The following PALLD variants were observed in gnomAD, a reference collection of about 807,000 sequenced individuals.
The protein encoded by PALLD is palladin.
A neutral mutation model predicts 123.5 loss-of-function variants in PALLD; 61 were observed. The observed-to-expected ratio is 0.49, with a 90% confidence interval of 0.40 to 0.61. The LOEUF (loss-of-function observed/expected upper bound fraction) is 0.61. Ranked by LOEUF, PALLD falls within the 20% of genes least tolerant of loss-of-function variation. PALLD has a pLI of 0.00. For missense variants in PALLD, 1,273 were observed against 1,377.0 expected (o/e 0.92, Z 1.20); for synonymous variants, 465 against 496.4 (o/e 0.94, Z 0.84).
At chr4:168,776,769 T>TTA (rs1244806640) in intron 10 of PALLD, among the ~76,000 whole-genome samples, 1 of 152,236 alleles carries the variant, frequency 6.6e-6, no homozygotes, top group Non-Finnish European at 1.5e-5. Flanking sequence ...TTTTCCAAAA[T>TTA]TATATCTGTT....
At chr4:168,789,830 C>T (rs985473798) in intron 10 of PALLD, among the ~76,000 whole-genome samples, 2 of 152,084 alleles carry the variant, frequency 1.3e-5, no homozygotes, top group Non-Finnish European at 2.9e-5. Flanking sequence ...ACTTACCCTG[C>T]AGTCAGACAA....
intron 10 of PALLD, among the ~76,000 whole-genome samples, chr4:168,796,193 G>A (rs1010031270): frequency 6.6e-6 from 1 of 151,866 alleles, no homozygotes; most frequent in Non-Finnish European, 1.5e-5. Flanking sequence ...CTCCCACCTT[G>A]CCCCCCACTG....
intron 10 of PALLD, among the ~76,000 whole-genome samples, chr4:168,854,583 C>T (rs1748302248): frequency 1.3e-5 from 2 of 152,144 alleles, no homozygotes; most frequent in South Asian, 4.1e-4. Flanking sequence ...AGCAAGGGTT[C>T]CAGGTGCCGC....
chr4:168,656,317 G>T (rs1778565812), intron 2 of PALLD, among the ~76,000 whole-genome samples: 1 of 142,656 alleles, frequency 7.0e-6, no homozygotes, highest in Non-Finnish European at 1.5e-5. Flanking sequence ...TAACTTTGAA[G>T]TGTGGCTTGT....
intron 2 of PALLD, among the ~76,000 whole-genome samples, chr4:168,661,177 G>A (rs1779102415): frequency 6.6e-6 from 1 of 152,160 alleles, no homozygotes; most frequent in South Asian, 2.1e-4. Context: ...AAAGTGCTGG[G>A]ATTACAGGCT....
intron 10 of PALLD, among the ~76,000 whole-genome samples, chr4:168,772,457 A>G (rs1734584516): frequency 1.3e-5 from 2 of 152,218 alleles, no homozygotes; most frequent in South Asian, 2.1e-4. Context: ...AAAAAGCACA[A>G]ACAGCCCCAG....
intron 2 of PALLD, among the ~76,000 whole-genome samples, chr4:168,521,780 T>TTCAAC (rs1763593029): frequency 6.6e-6 from 1 of 152,244 alleles, no homozygotes; most frequent in Non-Finnish European, 1.5e-5. Flanking sequence ...GACTATTTGT[T>TTCAAC]GAGTCCTAGA....
intron 19 of PALLD, 66 bp from the exon 20 acceptor site, chr4:168,924,879 G>C: frequency 6.6e-7 from 1 of 1,505,600 alleles, no homozygotes; most frequent in Non-Finnish European, 9.2e-7. Context: ...AATTAAAAAT[G>C]ATGCTTCATG....
chr4:168,561,465 G>A (rs931585902), intron 2 of PALLD, among the ~76,000 whole-genome samples: 13 of 151,928 alleles, frequency 8.6e-5, no homozygotes, highest in African/African-American at 3.1e-4. Flanking sequence ...TTGGAAATAG[G>A]GGTCTTGCTA....
intron 1 of PALLD, among the ~76,000 whole-genome samples, chr4:168,500,032 C>T (rs1333330809): frequency 6.6e-6 from 1 of 152,172 alleles, no homozygotes; most frequent in Non-Finnish European, 1.5e-5. Context: ...CTGAGTCTGC[C>T]ACTTTCTGAT....
chr4:168,809,488 A>T (rs879659349), intron 10 of PALLD, among the ~76,000 whole-genome samples: 10 of 152,198 alleles, frequency 6.6e-5, no homozygotes, highest in African/African-American at 1.9e-4. Flanking sequence ...GCCATAAGAA[A>T]GAAGAAATGC....
intron 2 of PALLD, among the ~76,000 whole-genome samples, chr4:168,636,630 G>A (rs937742790): frequency 6.6e-6 from 1 of 152,144 alleles, no homozygotes; most frequent in South Asian, 2.1e-4. Context: ...AAAATTACAG[G>A]CCATTCCAGC....
chr4:168,836,696 A>T (rs1288097772), intron 10 of PALLD, among the ~76,000 whole-genome samples: 1 of 152,224 alleles, frequency 6.6e-6, no homozygotes. Flanking sequence ...CGTCTATGAC[A>T]TTCGGATGCC....
At chr4:168,595,944 GGA>G (rs1771931614) in intron 2 of PALLD, among the ~76,000 whole-genome samples, 1 of 136,194 alleles carries the variant, frequency 7.3e-6, no homozygotes, top group Admixed American at 7.3e-5. Context: ...AAATTGAAAA[GGA>G]AAAAAAAAAA....
chr4:168,774,068 T>TC (rs1734816314), intron 10 of PALLD, among the ~76,000 whole-genome samples: 1 of 136,256 alleles, frequency 7.3e-6, no homozygotes, highest in Non-Finnish European at 1.6e-5. Flanking sequence ...GTTTTCTCTC[T>TC]CTTTTTTTTT....
At position 168,802,768 on chromosome 4, in the gene PALLD, G is replaced by T. The variant is rs150104326; in HGVS notation, c.1965-88154G>T. ...TGCAATGGCACCATGTCGGCTCACC[G>T]CAATCTCTGCCTCCTGGGTTCAAGC... On this transcript the variant is annotated intron_variant, in intron 10 of 21. Transcript: ENST00000505667. Among the ~76,000 whole-genome samples, 409 of 151,866 alleles carry T rather than the reference G, an allele frequency of 2.7e-3. 4 individuals are homozygous for T. The highest frequency in any genetic ancestry group is 9.6e-3 in the African/African-American group (396 of 41,358).
chr4:168,875,364 G>A (rs1166404942), intron 10 of PALLD, among the ~76,000 whole-genome samples: 1 of 152,026 alleles, frequency 6.6e-6, no homozygotes, highest in Non-Finnish European at 1.5e-5. Context: ...GCTTAATGAG[G>A]AAGAAGAAAA....
chr4:168,898,438 G>C, intron 13 of PALLD, 55 bp from the exon 14 acceptor site: 2 of 1,124,650 alleles, frequency 1.8e-6, no homozygotes, highest in Non-Finnish European at 2.7e-6. Context: ...AGGGAGAGAC[G>C]TGACACTTTG....
At chr4:168,704,135 G>C (rs1030616751) in intron 8 of PALLD, among the ~76,000 whole-genome samples, 1 of 151,464 alleles carries the variant, frequency 6.6e-6, no homozygotes, top group Non-Finnish European at 1.5e-5. Context: ...AATGGGGAAA[G>C]GATTCCCTAT....
Sources: allele counts gnomAD v4.1 joint callset (sites outside exome capture counted in the v4.1 genomes callset), GRCh38; gene constraint gnomAD v4.1.1; transcripts MANE v1.5; gene names NCBI Gene and HGNC (gene_info 2026-07-23, HGNC 2026-07-21).